Variants in BAG3 observed in about 807,000 individuals in gnomAD.
The protein encoded by BAG3 is BAG cochaperone 3.
A neutral mutation model predicts 40.5 loss-of-function variants in BAG3; 14 were observed. The ratio of observed to expected loss-of-function variants is 0.35; its 90% CI spans 0.23 to 0.54. BAG3 has a LOEUF of 0.54. Among genes scored for constraint, BAG3 ranks in the 20% least tolerant of loss-of-function variants. BAG3 has a pLI of 0.91. For missense variants in BAG3, 788 were observed against 758.6 expected (o/e 1.04, Z -0.46); for synonymous variants, 302 against 307.8 (o/e 0.98, Z 0.20).
rs1248733449 is a variant in BAG3, at chr10:119,676,797, G to T, written c.1243G>T (p.Ala415Ser). The T allele has an allele frequency of 9.3e-6, 15 of 1,614,162 alleles. No homozygotes were observed. Among genetic ancestry groups the T allele is most frequent in the Non-Finnish European group, 1.3e-5 (15 of 1,180,038 alleles). The change falls in exon 4 of 4, where the codon GCT (alanine) becomes TCT (serine). Residue 415 changes from alanine to serine, a missense_variant. By Grantham distance (99) the Ala-to-Ser change is moderately conservative (BLOSUM62 1). Transcript: ENST00000369085. ...ACCTCCAAAACCAGGAGAAGCCGAG[G>T]CTCCCCCAAAACATCCAGGAGTGCT... Reference protein sequence around the residue: ...ATPPKPGEAEAPPKHPGVLKV... With the variant: ...ATPPKPGEAESPPKHPGVLKV...
At chr10:119,661,115 C>T (rs942866168) in intron 1 of BAG3, among the ~76,000 whole-genome samples, 5 of 151,944 alleles carry the variant, frequency 3.3e-5, no homozygotes, top group African/African-American at 1.2e-4. Flanking sequence ...CAAAAATTAG[C>T]TGGGCGTGGT....
chr10:119,657,531 G>A (rs913540046), intron 1 of BAG3: 2 of 471,148 alleles, frequency 4.2e-6, no homozygotes, highest in African/African-American at 2.0e-5. Context: ...CCCAGAGCGC[G>A]AAGGCAGATA....
chr10:119,667,808 G>A (rs996996401), intron 1 of BAG3, among the ~76,000 whole-genome samples: 1 of 152,172 alleles, frequency 6.6e-6, no homozygotes, highest in African/African-American at 2.4e-5. Context: ...GCTTTTGTGC[G>A]TGGCTGGGAA....
At chr10:119,665,349 C>T (rs1005219849) in intron 1 of BAG3, among the ~76,000 whole-genome samples, 3 of 151,692 alleles carry the variant, frequency 2.0e-5, no homozygotes, top group Admixed American at 6.6e-5. Flanking sequence ...ACCGTGTTAG[C>T]CAGGATGGTC....
At chr10:119,661,168 G>C (rs1846986789) in intron 1 of BAG3, among the ~76,000 whole-genome samples, 1 of 152,202 alleles carries the variant, frequency 6.6e-6, no homozygotes, top group African/African-American at 2.4e-5. Flanking sequence ...GCTGAGGCAT[G>C]AGAATTGCTT....
At chr10:119,675,465 G>T (rs999165593) in intron 3 of BAG3, among the ~76,000 whole-genome samples, 1 of 152,184 alleles carries the variant, frequency 6.6e-6, no homozygotes, top group Non-Finnish European at 1.5e-5. Context: ...AAGCAAAATT[G>T]TTCTGGAGTT....
At position 119,672,641 on chromosome 10, in the gene BAG3, G is replaced by A; in HGVS notation, c.894G>A (p.Val298=). 2 of 1,613,716 alleles carry A rather than the reference G, an allele frequency of 1.2e-6. No individual in the cohort carries two copies. The highest frequency in any genetic ancestry group is 8.5e-7 in the Non-Finnish European group (1 of 1,180,020). ...HSPSPIRVHT[V]VDRPQQPMTH... ...CCTCGCCCATCCGTGTGCACACCGT[G>A]GTCGACAGGCCTCAGGTACGGGAAG... The change falls in exon 3 of 4, where the codon GTG becomes GTA. Residue 298 remains valine (V), a synonymous_variant. Transcript: ENST00000369085. The surrounding 1 kb of genome is among the most constrained non-coding windows in gnomAD (Gnocchi z 4.8).
chr10:119,672,252 C>T lies in BAG3; in HGVS notation c.508-3C>T. The T allele has an allele frequency of 6.2e-7, 1 of 1,612,610 alleles. No homozygotes were observed. The highest frequency in any genetic ancestry group is 8.5e-7 in the Non-Finnish European group (1 of 1,180,026). ...CATGCCCTCTACCCTGTGTCTCTTG[C>T]AGCGGTCCCAGTCTCCAGCTGCCTC... On this transcript the variant is annotated splice_region_variant and splice_polypyrimidine_tract_variant and intron_variant, in intron 2 of 3. Coordinates refer to ENST00000369085, the MANE Select transcript of BAG3 (RefSeq NM_004281.4). The surrounding 1 kb of genome is among the most constrained non-coding windows in gnomAD (Gnocchi z 4.8).
chr10:119,668,503 A>G (rs1847098505), intron 1 of BAG3, among the ~76,000 whole-genome samples: 1 of 152,214 alleles, frequency 6.6e-6, no homozygotes, highest in Admixed American at 6.5e-5. Context: ...TGCAAATGAC[A>G]CTTATCAGTA....
At chr10:119,666,249 A>T (rs1484671586) in intron 1 of BAG3, among the ~76,000 whole-genome samples, 1 of 151,780 alleles carries the variant, frequency 6.6e-6, no homozygotes, top group Non-Finnish European at 1.5e-5. Flanking sequence ...AGAAGGGTGG[A>T]CCTCAGCCCC....
chr10:119,664,317 C>A (rs1348916282), intron 1 of BAG3, among the ~76,000 whole-genome samples: 2 of 152,044 alleles, frequency 1.3e-5, no homozygotes, highest in Non-Finnish European at 2.9e-5. Context: ...TGTTTGGTGC[C>A]CTGAGACATG....
At chr10:119,652,176 C>G (rs920221303) in intron 1 of BAG3, among the ~76,000 whole-genome samples, 1 of 152,076 alleles carries the variant, frequency 6.6e-6, no homozygotes, top group Admixed American at 6.5e-5. Flanking sequence ...GCTGGCCTCG[C>G]GCTCTAGGGC....
chr10:119,663,707 A>G (rs1241209751), intron 1 of BAG3, among the ~76,000 whole-genome samples: 6 of 151,942 alleles, frequency 3.9e-5, no homozygotes, highest in African/African-American at 1.5e-4. Context: ...TCGTTTTTAG[A>G]TTTCTGTGAC....
At chr10:119,674,232 G>A (rs1272270282) in intron 3 of BAG3, among the ~76,000 whole-genome samples, 1 of 152,224 alleles carries the variant, frequency 6.6e-6, no homozygotes, top group Admixed American at 6.5e-5. Flanking sequence ...GGAGGGGTGC[G>A]TGGTTGGGTT....
At chr10:119,666,046 C>T (rs961400396) in intron 1 of BAG3, among the ~76,000 whole-genome samples, 10 of 152,200 alleles carry the variant, frequency 6.6e-5, no homozygotes, top group Admixed American at 3.9e-4. Flanking sequence ...ACCTCACGCA[C>T]GGTGGAGACC....
intron 1 of BAG3, among the ~76,000 whole-genome samples, chr10:119,658,091 T>G (rs1037440131): frequency 6.6e-6 from 1 of 152,226 alleles, no homozygotes; most frequent in African/African-American, 2.4e-5. Flanking sequence ...AGAACAAACG[T>G]TTGCTGTTTT....
rs3981124 is a variant in BAG3, at chr10:119,677,519, CTTG to C, written c.*243_*245del. On this transcript the variant is annotated 3_prime_UTR_variant, in exon 4 of 4. Coordinates refer to ENST00000369085, the MANE Select transcript of BAG3 (RefSeq NM_004281.4). Reference sequence around the variant, plus strand: ...TTGTTTGAGAAGTTTAACCCCGTTGCTTGTTGTTCTGCAGCCCTGTCTACTTGG... The same window carrying C: ...TTGTTTGAGAAGTTTAACCCCGTTGCTTGTTCTGCAGCCCTGTCTACTTGG... 343,245 of 597,948 alleles carry C rather than the reference CTTG, an allele frequency of 0.57. 102,979 individuals are homozygous for C. Among genetic ancestry groups the C allele is most frequent in the Middle Eastern group, 0.67 (1,429 of 2,142 alleles). 37.0% of individuals were successfully genotyped at this position (597,948 alleles called of 1,614,324 possible).
At chr10:119,674,838 G>A (rs1847197727) in intron 3 of BAG3, among the ~76,000 whole-genome samples, 1 of 151,926 alleles carries the variant, frequency 6.6e-6, no homozygotes, top group South Asian at 2.1e-4. Flanking sequence ...AACCAGGCAT[G>A]TTGGTGGGCG....
At chr10:119,661,005 A>C (rs1846984537) in intron 1 of BAG3, among the ~76,000 whole-genome samples, 1 of 152,204 alleles carries the variant, frequency 6.6e-6, no homozygotes, top group Non-Finnish European at 1.5e-5. Flanking sequence ...AGGCAGGAGA[A>C]TCGCTTGAAC....
Sources: gnomAD v4.1 joint callset for allele counts (sites outside exome capture counted in the v4.1 genomes callset) on GRCh38, gnomAD v4.1.1 for gene constraint, Gnocchi (gnomAD v3.1) non-coding constraint, MANE v1.5 for transcripts, NCBI Gene and HGNC (gene_info 2026-07-23, HGNC 2026-07-21) for gene names.